HMCN1: variants seen among roughly 807,000 people sequenced by gnomAD.
The protein encoded by HMCN1 is hemicentin-1.
In HMCN1, 321 loss-of-function variants were observed where a neutral mutation model predicts 625.9. That is an observed-to-expected ratio of 0.51 (90% CI 0.47 to 0.56). The LOEUF (loss-of-function observed/expected upper bound fraction) is 0.56. Among genes scored for constraint, HMCN1 ranks in the 20% least tolerant of loss-of-function variants. HMCN1 has a pLI of 0.00. For missense variants in HMCN1, 6,588 were observed against 6,887.3 expected (o/e 0.96, Z 1.54); for synonymous variants, 2,425 against 2,417.6 (o/e 1.00, Z -0.09).
At chr1:185,939,360 A>G (rs900634403) in intron 11 of HMCN1, among the ~76,000 whole-genome samples, 1 of 152,228 alleles carries the variant, frequency 6.6e-6, no homozygotes, top group African/African-American at 2.4e-5. Flanking sequence ...AATCCCCTCA[A>G]GCAGGGTTTA....
intron 1 of HMCN1, among the ~76,000 whole-genome samples, chr1:185,800,901 A>G (rs1306791869): frequency 6.6e-6 from 1 of 152,144 alleles, no homozygotes; most frequent in East Asian, 1.9e-4. Context: ...AAAGTAAACC[A>G]CTGTTTTTAA....
In HMCN1 at chr1:186,057,262, G is replaced by T. The variant is rs778312463; in HGVS notation, c.7173G>T (p.Arg2391Ser). Residue 2391 changes from arginine to serine, a missense_variant, in exon 46 of 107, where the codon AGG becomes AGT. Around this residue, in one of 3 missense-constraint regions of HMCN1, gnomAD observed 4,628 missense variants for 4,853.1 expected, o/e 0.95. Transcript: ENST00000271588. Reference protein sequence around the residue: ...HAPPSIIGNHRSPENISVVEK... With the variant: ...HAPPSIIGNHSSPENISVVEK... ...CTCCAAGCATCATAGGAAACCACAG[G>T]TCACCTGAAAATATTAGTGTGGTAG... 1.2e-6 allele frequency: 2 copies of T among 1,611,496 alleles called. No individual in the cohort carries two copies. The highest frequency in any genetic ancestry group is 1.7e-6 in the Non-Finnish European group (2 of 1,178,314).
chr1:185,774,257 A>C (rs909636188), intron 1 of HMCN1, among the ~76,000 whole-genome samples: 1 of 152,170 alleles, frequency 6.6e-6, no homozygotes, highest in African/African-American at 2.4e-5. Context: ...TGATGAAATA[A>C]ATAGATGTGA....
intron 58 of HMCN1, 39 bp downstream of exon 58, chr1:186,086,446 CATCTTT>C: frequency 6.3e-7 from 1 of 1,592,176 alleles, no homozygotes; most frequent in Non-Finnish European, 8.6e-7. Flanking sequence ...AAAATTTTCT[CATCTTT>C]ATTTTAATAC....
chr1:185,806,029 G>A (rs1169538893), intron 1 of HMCN1, among the ~76,000 whole-genome samples: 1 of 151,930 alleles, frequency 6.6e-6, no homozygotes, highest in Non-Finnish European at 1.5e-5. Flanking sequence ...GAAATTAAGA[G>A]CTGATTGTAG....
chr1:185,755,192 TC>T (rs1281013434), intron 1 of HMCN1, among the ~76,000 whole-genome samples: 2 of 152,234 alleles, frequency 1.3e-5, no homozygotes, highest in Admixed American at 6.5e-5. Context: ...TCTGTGTTTT[TC>T]TCCTTGTACT....
intron 31 of HMCN1, 24 bp from the exon 32 acceptor site, chr1:186,015,934 A>G (rs1654336889): frequency 6.2e-7 from 1 of 1,605,788 alleles, no homozygotes; most frequent in African/African-American, 1.3e-5. Flanking sequence ...TAATTGCCTG[A>G]AATATTGCTA....
Position 186,165,154 on chromosome 1 carries a change from A to G in HMCN1, c.15300A>G (p.Ser5100=), listed in dbSNP as rs769616753. ...GCCCCTCCGGGTTTACCTTAGACTC[A>G]GTTGGACCTTTTTGTGCTGGTAAGT... ...NQCPSGFTLD[S]VGPFCADEDE... Residue 5100 remains serine, a synonymous_variant, in exon 98 of 107, where the codon TCA becomes TCG. Coordinates refer to ENST00000271588, the MANE Select transcript of HMCN1 (RefSeq NM_031935.3). 6.2e-7 allele frequency: 1 copy of G among 1,614,060 alleles called. No individual in the cohort carries two copies. The highest frequency in any genetic ancestry group is 1.7e-5 in the Admixed American group (1 of 60,028).
At position 186,094,287 on chromosome 1, in the gene HMCN1, C is replaced by A; in HGVS notation, c.10208C>A (p.Ala3403Asp). 1 of 1,612,720 alleles carries A rather than the reference C, an allele frequency of 6.2e-7. No individual in the cohort carries two copies. The highest frequency in any genetic ancestry group is 8.5e-7 in the Non-Finnish European group (1 of 1,179,034). ...AAGQVIRIVR[A>D]QVSDVAVYTC... is the part of the protein sequence containing the mutation. ...AAATTGTTTCTCAGGATTGTGAGAG[C>A]TCAGGTGTCTGATGTCGCTGTGTAT... Residue 3403 changes from alanine (A) to aspartate (D), a missense_variant, in exon 67 of 107, where the codon GCT (alanine) becomes GAT (aspartate). This residue lies in a region of HMCN1 where 4,628 missense variants were observed against 4,853.1 expected (regional missense o/e 0.95). Transcript: ENST00000271588.
chr1:185,957,349 C>T (rs1032612541), intron 11 of HMCN1, among the ~76,000 whole-genome samples: 1 of 152,144 alleles, frequency 6.6e-6, no homozygotes, highest in Non-Finnish European at 1.5e-5. Flanking sequence ...AGCAATTTGT[C>T]ACTGTTGAGT....
intron 1 of HMCN1, among the ~76,000 whole-genome samples, chr1:185,765,599 A>G (rs1430456644): frequency 6.6e-6 from 1 of 152,214 alleles, no homozygotes; most frequent in Non-Finnish European, 1.5e-5. Flanking sequence ...AAACCAAGGC[A>G]TAAGGAGGCA....
At chr1:185,988,342 A>T (rs1652149370) in intron 20 of HMCN1, among the ~76,000 whole-genome samples, 2 of 152,238 alleles carry the variant, frequency 1.3e-5, no homozygotes, top group South Asian at 4.1e-4. Flanking sequence ...AAGATGGCAC[A>T]TTTTCTGTAA....
At chr1:185,898,216 T>C (rs1472926214) in intron 4 of HMCN1, among the ~76,000 whole-genome samples, 2 of 152,068 alleles carry the variant, frequency 1.3e-5, no homozygotes, top group African/African-American at 2.4e-5. Flanking sequence ...TAGGTCCTAA[T>C]GAGAGACAGA....
At chr1:185,977,637 C>T (rs1651311804) in intron 15 of HMCN1, 150 bp from the exon 16 acceptor site, 5 of 643,850 alleles carry the variant, frequency 7.8e-6, no homozygotes, top group South Asian at 5.6e-5. Context: ...ACTGTTTTTA[C>T]CTAAGAGAGG....
intron 33 of HMCN1, among the ~76,000 whole-genome samples, chr1:186,017,605 A>G (rs1437450732): frequency 9.2e-5 from 14 of 152,074 alleles, no homozygotes; most frequent in African/African-American, 1.2e-4. Flanking sequence ...AGGTTCACAC[A>G]TGATTATAAA....
At chr1:185,738,117 A>T (rs1653720888) in intron 1 of HMCN1, among the ~76,000 whole-genome samples, 1 of 152,190 alleles carries the variant, frequency 6.6e-6, no homozygotes, top group African/African-American at 2.4e-5. Context: ...TCACAATCAC[A>T]CTTAATGTAT....
chr1:185,844,814 A>G (rs909754767), intron 1 of HMCN1, among the ~76,000 whole-genome samples: 1 of 152,184 alleles, frequency 6.6e-6, no homozygotes, highest in Non-Finnish European at 1.5e-5. Flanking sequence ...TAGTTTATCT[A>G]TTTTAAGAGT....
chr1:185,798,451 A>G (rs539610472), intron 1 of HMCN1, among the ~76,000 whole-genome samples: 4 of 152,194 alleles, frequency 2.6e-5, no homozygotes, highest in Non-Finnish European at 2.9e-5. Flanking sequence ...TTCCTCAACT[A>G]TTTTCTCAGA....
chr1:185,887,907 A>G (rs2102404412), intron 4 of HMCN1, among the ~76,000 whole-genome samples: 1 of 143,406 alleles, frequency 7.0e-6, no homozygotes, highest in South Asian at 2.3e-4. Context: ...TGGTTGAACT[A>G]GTTTACAGTC....
Sources: gnomAD v4.1 joint callset for allele counts (sites outside exome capture counted in the v4.1 genomes callset) on GRCh38, gnomAD v4.1.1 for gene constraint, gnomAD v4.1.1 regional missense constraint, MANE v1.5 for transcripts, NCBI Gene and HGNC (gene_info 2026-07-23, HGNC 2026-07-21) for gene names.